Variants in STS observed in about 807,000 individuals in gnomAD.
STS encodes the protein steroid sulfatase.
In STS, 7 loss-of-function variants were observed where a neutral mutation model predicts 26.8. That is an observed-to-expected ratio of 0.26 (90% CI 0.15 to 0.49). The LOEUF (loss-of-function observed/expected upper bound fraction) is 0.49. STS is among the 20% of genes least tolerant of loss of function. The pLI is 0.98. For missense variants in STS, 434 were observed against 465.6 expected (o/e 0.93, Z 0.63); for synonymous variants, 199 against 189.4 (o/e 1.05, Z -0.42).
intron 7 of STS, among the ~76,000 whole-genome samples, chrX:7,301,328 G>A (rs1203598240): frequency 9.1e-6 from 1 of 110,337 alleles, no homozygotes; most frequent in Non-Finnish European, 1.9e-5. Flanking sequence ...AGAAGTAGAG[G>A]TTGCAGTGAG....
In STS at chrX:7,173,271, A is replaced by G. The variant is rs1168372906; in HGVS notation, c.-133-17609A>G. On this transcript the variant is annotated intron_variant, in intron 1 of 10. Transcript: ENST00000674429. ...ATGTCCCTGCAAAGGACATGATCTC[A>G]TTCTTTTTTTATGGCTGCATAGTAT... Among the ~76,000 whole-genome samples the G allele has an allele frequency of 4.5e-5, 5 of 111,631 alleles. No individual in the cohort carries two copies. In the Admixed American group the frequency reaches 4.8e-4, roughly 11 times the overall value.
intron 9 of STS, among the ~76,000 whole-genome samples, chrX:7,327,945 G>T (rs896807727): frequency 9.0e-6 from 1 of 111,526 alleles, no homozygotes; most frequent in Non-Finnish European, 1.9e-5. Flanking sequence ...TTCATCCGAG[G>T]TCATAAAATC....
intron 3 of STS, among the ~76,000 whole-genome samples, chrX:7,255,622 C>T (rs1197217484): frequency 3.6e-5 from 4 of 111,857 alleles, no homozygotes; most frequent in African/African-American, 1.3e-4. Flanking sequence ...CCCATTATTT[C>T]TGAATTACAT....
At chrX:7,334,564 A>C (rs1753567973) in intron 10 of STS, among the ~76,000 whole-genome samples, 1 of 111,455 alleles carries the variant, frequency 9.0e-6, no homozygotes, top group Admixed American at 9.5e-5. Context: ...GGTACTCCTC[A>C]ATGCCCCCCA....
chrX:7,203,857 T>A (rs1395942523), intron 2 of STS, among the ~76,000 whole-genome samples: 1 of 111,427 alleles, frequency 9.0e-6, no homozygotes, highest in Non-Finnish European at 1.9e-5. Flanking sequence ...CAGTCATAGC[T>A]CATTGTAGCC....
chrX:7,214,253 G>A (rs1163241192), intron 2 of STS, among the ~76,000 whole-genome samples: 3 of 111,562 alleles, frequency 2.7e-5, no homozygotes, highest in East Asian at 5.6e-4. Flanking sequence ...GACTGATTGC[G>A]GAGGGGGGCC....
intron 8 of STS, among the ~76,000 whole-genome samples, chrX:7,312,601 C>T (rs1438514890): frequency 1.8e-5 from 2 of 110,966 alleles, no homozygotes; most frequent in African/African-American, 6.6e-5. Context: ...CTTTCCTGTG[C>T]TGTTCTCGTG....
At position 7,193,902 on chromosome X, in the gene STS, ATATTAT is replaced by A. The variant is rs758979587; in HGVS notation, c.-5+2902_-5+2907del. ...AAGGAAAAGGTTTAGTAATAGGAAA[ATATTAT>A]TATTATTTTTTTTGAGACAGACTCT... On this transcript the variant is annotated intron_variant, in intron 2 of 10. Coordinates refer to ENST00000674429, the MANE Select transcript of STS (RefSeq NM_001320752.2). 3.6e-5 allele frequency among the ~76,000 whole-genome samples: 4 copies of A among 110,838 alleles called. No individual in the cohort carries two copies. The East Asian group carries it at 1.1e-3, about 31-fold the overall frequency.
chrX:7,317,782 G>C (rs1392446889), intron 8 of STS, among the ~76,000 whole-genome samples: 3 of 111,436 alleles, frequency 2.7e-5, no homozygotes, highest in Non-Finnish European at 5.6e-5. Flanking sequence ...GGATATATCT[G>C]AGCTGTCTTT....
At chrX:7,157,250 C>T (rs769216708) in intron 1 of STS, among the ~76,000 whole-genome samples, 1 of 111,909 alleles carries the variant, frequency 8.9e-6, no homozygotes, top group East Asian at 2.8e-4. Flanking sequence ...TCGATCTTTG[C>T]TCATGTGACT....
intron 2 of STS, among the ~76,000 whole-genome samples, chrX:7,230,135 G>A (rs184688769): frequency 1.8e-5 from 2 of 110,658 alleles, no homozygotes; most frequent in South Asian, 3.9e-4. Flanking sequence ...CAGTCCTCTC[G>A]CTTTGGCCCC....
chrX:7,322,875 C>T (rs1250495498), intron 8 of STS, among the ~76,000 whole-genome samples: 1 of 112,085 alleles, frequency 8.9e-6, no homozygotes, highest in African/African-American at 3.2e-5. Context: ...ACATTCTGAT[C>T]CACTCTGAAC....
At chrX:7,306,717 C>T in intron 8 of STS, among the ~76,000 whole-genome samples, 1 of 111,791 alleles carries the variant, frequency 8.9e-6, no homozygotes, top group Non-Finnish European at 1.9e-5. Flanking sequence ...GGAATGTTTG[C>T]AAAGGAGACA....
chrX:7,322,441 C>G (rs920459378), intron 8 of STS, among the ~76,000 whole-genome samples: 4 of 112,088 alleles, frequency 3.6e-5, no homozygotes, highest in Non-Finnish European at 7.5e-5. Context: ...CACTCTGTTA[C>G]ACAGGCTAGA....
At chrX:7,208,173 A>T (rs761049084) in intron 2 of STS, among the ~76,000 whole-genome samples, 1 of 112,744 alleles carries the variant, frequency 8.9e-6, no homozygotes, top group East Asian at 2.8e-4. Flanking sequence ...GCATTAAGCT[A>T]TTTCTCTCCA....
At chrX:7,264,129 G>T (rs1914716072) in intron 6 of STS, among the ~76,000 whole-genome samples, 1 of 111,489 alleles carries the variant, frequency 9.0e-6, no homozygotes, top group South Asian at 3.8e-4. Context: ...TATGCCTGTT[G>T]TCTGGGTGCC....
chrX:7,252,550 G>T, intron 2 of STS, among the ~76,000 whole-genome samples: 1 of 111,484 alleles, frequency 9.0e-6, no homozygotes, highest in Non-Finnish European at 1.9e-5. Context: ...AAATGAAGTA[G>T]AAAGCCCACG....
intron 8 of STS, among the ~76,000 whole-genome samples, chrX:7,313,852 C>T (rs750095153): frequency 9.0e-6 from 1 of 111,682 alleles, no homozygotes; most frequent in Non-Finnish European, 1.9e-5. Flanking sequence ...TATAAGAGAC[C>T]ACTTCAGTGT....
intron 2 of STS, among the ~76,000 whole-genome samples, chrX:7,225,520 A>G (rs1364507211): frequency 8.9e-6 from 1 of 111,826 alleles, no homozygotes; most frequent in Non-Finnish European, 1.9e-5. Flanking sequence ...AGTGTTGCCT[A>G]CAAGGGAAGC....
Sources: gnomAD v4.1 joint callset for allele counts (sites outside exome capture counted in the v4.1 genomes callset) on GRCh38, gnomAD v4.1.1 for gene constraint, MANE v1.5 for transcripts, NCBI Gene and HGNC (gene_info 2026-07-23, HGNC 2026-07-21) for gene names.